Variants in F2 observed in about 807,000 individuals in gnomAD.
F2 encodes the protein coagulation factor II, thrombin.
In F2, 34 loss-of-function variants were observed where a neutral mutation model predicts 81.9. The ratio of observed to expected loss-of-function variants is 0.42; its 90% CI spans 0.32 to 0.55. The LOEUF is 0.55. Ranked by LOEUF, F2 falls within the 20% of genes least tolerant of loss-of-function variation. The pLI, the probability that F2 is intolerant of heterozygous loss-of-function variation, is 0.18. For missense variants in F2, 630 were observed against 833.4 expected (o/e 0.76, Z 3.00); for synonymous variants, 296 against 326.4 (o/e 0.91, Z 1.01).
intron 12 of F2, among the ~76,000 whole-genome samples, chr11:46,735,676 A>G (rs1456870714): frequency 6.6e-6 from 1 of 151,278 alleles, no homozygotes. Context: ...TAATCCTAGC[A>G]CTTTGGGAGG....
Position 46,739,238 on chromosome 11 carries a change from A to C in F2, c.1726-27A>C, listed in dbSNP as rs754893371. 3 of 1,613,566 alleles carry C rather than the reference A, an allele frequency of 1.9e-6. No individual in the cohort carries two copies. The African/African-American group carries it at 4.0e-5, about 22-fold the overall frequency. On this transcript the variant is annotated intron_variant, in intron 13 of 13. Transcript: ENST00000311907. ...CTGATGTGACCTTGAACTTGACTCTATTGGAAACCTCATCTTTCTTCTTCA... is the reference window on the plus strand; with the variant it reads ...CTGATGTGACCTTGAACTTGACTCTCTTGGAAACCTCATCTTTCTTCTTCA...
intron 12 of F2, among the ~76,000 whole-genome samples, chr11:46,731,912 G>GTTTTTTTTTTTTTTTTTTTGTT (rs2064914171): frequency 1.1e-5 from 1 of 88,156 alleles, no homozygotes; most frequent in African/African-American, 4.4e-5. Flanking sequence ...ACACTTTGAT[G>GTTTTTTTTTTTTTTTTTTTGTT]TTTTTTTTTT....
intron 12 of F2, among the ~76,000 whole-genome samples, chr11:46,732,873 G>C (rs190670975): frequency 1.3e-5 from 2 of 152,096 alleles, no homozygotes; most frequent in Admixed American, 1.3e-4. Context: ...TTTCCTTACT[G>C]TAGTGTTGGA....
At chr11:46,735,784 T>C (rs2064940524) in intron 12 of F2, among the ~76,000 whole-genome samples, 1 of 151,080 alleles carries the variant, frequency 6.6e-6, no homozygotes, top group Non-Finnish European at 1.5e-5. Flanking sequence ...TAGCCAGACA[T>C]GGAGGCACAT....
chr11:46,730,862 C>CA (rs201584455), intron 12 of F2, among the ~76,000 whole-genome samples: 43,406 of 135,688 alleles, frequency 0.32, 8,757 homozygotes, highest in East Asian at 0.6. Flanking sequence ...TGAGTATTTC[C>CA]AAAAAAAAAA....
chr11:46,735,760 T>A (rs1020555401), intron 12 of F2, among the ~76,000 whole-genome samples: 1 of 150,366 alleles, frequency 6.7e-6, no homozygotes. Flanking sequence ...CTGTCTCTGC[T>A]AAAAATACAA....
At chr11:46,721,360 T>C (rs2064835304) in intron 4 of F2, among the ~76,000 whole-genome samples, 1 of 152,134 alleles carries the variant, frequency 6.6e-6, no homozygotes, top group African/African-American at 2.4e-5. Context: ...GTTTAAGGCT[T>C]CATTCTCCTT....
intron 12 of F2, among the ~76,000 whole-genome samples, chr11:46,732,205 C>T (rs533943563): frequency 2.0e-5 from 3 of 152,120 alleles, no homozygotes; most frequent in Middle Eastern, 3.4e-3. Flanking sequence ...TGAGCCAATA[C>T]GCCTGGCCTA....
intron 2 of F2, chr11:46,720,137 G>A (rs2064827253): frequency 1.2e-5 from 7 of 568,710 alleles, no homozygotes; most frequent in Middle Eastern, 4.8e-4. Flanking sequence ...TGTCCACATG[G>A]CCTCCTCAGC....
chr11:46,721,255 G>T (rs2064834499), intron 4 of F2, among the ~76,000 whole-genome samples: 1 of 152,102 alleles, frequency 6.6e-6, no homozygotes, highest in Admixed American at 6.6e-5. Flanking sequence ...TGTTGGCCAG[G>T]CTGGTCTTGA....
chr11:46,728,065 G>C lies in F2; in HGVS notation c.1200G>C (p.Trp400Cys), dbSNP rs2064887153. The change falls in exon 10 of 14, where the codon TGG becomes TGC. Residue 400 changes from tryptophan to cysteine, a missense_variant. Physicochemically the swap from Trp to Cys is radical, Grantham distance 215. Coordinates refer to ENST00000311907, the MANE Select transcript of F2 (RefSeq NM_000506.5). This position sits in a 1 kb window ranked among gnomAD's most constrained non-coding sequence, Gnocchi z 5.1. ...GGGCCAGCCTCATCAGTGACCGCTG[G>C]GTCCTCACCGCCGCCCACTGCCTCC... The part of the protein sequence containing the change: ...LCGASLISDR[W>C]VLTAAHCLLY... 1.2e-6 allele frequency: 2 copies of C among 1,610,516 alleles called. No individual in the cohort carries two copies. Among genetic ancestry groups the C allele is most frequent in the Non-Finnish European group, 8.5e-7 (1 of 1,178,870 alleles).
At chr11:46,727,936 G>A in intron 9 of F2, 60 bp from the exon 10 acceptor site, 1 of 1,540,222 alleles carries the variant, frequency 6.5e-7, no homozygotes, top group Admixed American at 1.9e-5. Flanking sequence ...TACTTCTAGG[G>A]CTGGTGTAGA....
At chr11:46,730,794 A>G (rs1382100906) in intron 12 of F2, among the ~76,000 whole-genome samples, 2 of 151,038 alleles carry the variant, frequency 1.3e-5, no homozygotes, top group Non-Finnish European at 3.0e-5. Flanking sequence ...TTTTATATAT[A>G]TATATGCATA....
intron 12 of F2, among the ~76,000 whole-genome samples, chr11:46,736,124 A>C (rs193281138): frequency 7.2e-5 from 11 of 152,036 alleles, no homozygotes; most frequent in Admixed American, 7.2e-4. Flanking sequence ...AATCACTTGA[A>C]CCTGGGAGGA....
intron 11 of F2, among the ~76,000 whole-genome samples, chr11:46,729,059 C>T (rs528396753): frequency 7.2e-5 from 11 of 152,006 alleles, no homozygotes; most frequent in Admixed American, 4.6e-4. Context: ...TGTAGTTGTG[C>T]GATCTTGGCT....
chr11:46,719,787 C>A lies in F2; in HGVS notation c.165C>A (p.Asn55Lys). The change falls in exon 2 of 14, where the codon AAC becomes AAA. Residue 55 changes from asparagine to lysine, a missense_variant. By Grantham distance (94) the Asn-to-Lys change is moderately conservative. Coordinates refer to ENST00000311907, the MANE Select transcript of F2 (RefSeq NM_000506.5). This position sits in a 1 kb window ranked among gnomAD's most constrained non-coding sequence, Gnocchi z 4.7. ...TCTTGGAGGAGGTGCGCAAGGGCAA[C>A]CTGGAGCGAGAGTGCGTGGAGGAGA... is the stretch of plus-strand genomic sequence containing the variant. ...NTFLEEVRKG[N>K]LERECVEETC... 1 of 1,597,640 alleles carries A rather than the reference C, an allele frequency of 6.3e-7. No homozygotes were observed.
At chr11:46,734,071 C>A (rs1306241005) in intron 12 of F2, among the ~76,000 whole-genome samples, 1 of 151,754 alleles carries the variant, frequency 6.6e-6, no homozygotes, top group East Asian at 1.9e-4. Context: ...CAGGCATGAG[C>A]CACCACGCCT....
Position 46,723,402 on chromosome 11 carries a change from C to T in F2, c.443C>T (p.Pro148Leu). ...HKPEINSTTH[P>L]GADLQENFCR... ...TCCAGAATCAACTCCACTACCCATCCTGGGGCCGACCTACAGGAGAATTTC... is the reference window on the plus strand; with the variant it reads ...TCCAGAATCAACTCCACTACCCATCTTGGGGCCGACCTACAGGAGAATTTC... Residue 148 changes from proline to leucine, a missense_variant, in exon 6 of 14, where the codon CCT (proline) becomes CTT (leucine). Coordinates refer to ENST00000311907, the MANE Select transcript of F2 (RefSeq NM_000506.5). The surrounding 1 kb of genome is among the most constrained non-coding windows in gnomAD (Gnocchi z 5.6). The T allele has an allele frequency of 6.2e-7, 1 of 1,614,070 alleles. No individual in the cohort carries two copies. Among genetic ancestry groups the T allele is most frequent in the Non-Finnish European group, 8.5e-7 (1 of 1,179,992 alleles).
intron 6 of F2, among the ~76,000 whole-genome samples, chr11:46,724,311 C>G (rs3136456): frequency 1.4e-4 from 21 of 152,208 alleles, no homozygotes; most frequent in African/African-American, 4.6e-4. Flanking sequence ...CTCGCTAATG[C>G]GTCTGTAGGG....
Sources: gnomAD v4.1 joint callset for allele counts (sites outside exome capture counted in the v4.1 genomes callset) on GRCh38, gnomAD v4.1.1 for gene constraint, Gnocchi (gnomAD v3.1) non-coding constraint, MANE v1.5 for transcripts, NCBI Gene and HGNC (gene_info 2026-07-23, HGNC 2026-07-21) for gene names.